PHF2: variants seen among roughly 807,000 people sequenced by gnomAD.
PHF2 encodes the protein PHD finger protein 2.
Under a neutral mutation model 120.5 loss-of-function variants are expected in PHF2, and 27 were observed. The observed-to-expected ratio is 0.22, with a 90% CI of 0.17 to 0.31. The LOEUF is 0.31. Among genes scored for constraint, PHF2 ranks in the 10% least tolerant of loss-of-function variants. The pLI is 1.00. For missense variants in PHF2, 1,024 were observed against 1,434.8 expected (o/e 0.71, Z 4.63); for synonymous variants, 568 against 592.5 (o/e 0.96, Z 0.60).
intron 1 of PHF2, among the ~76,000 whole-genome samples, chr9:93,627,541 G>T (rs529069600): frequency 4.3e-5 from 5 of 116,052 alleles, no homozygotes; most frequent in African/African-American, 1.6e-4. Flanking sequence ...TTCCAGTACT[G>T]TGTTAAACAG....
chr9:93,576,970 G>C (rs1862830737), intron 1 of PHF2, 99 bp downstream of exon 1: 5 of 386,620 alleles, frequency 1.3e-5, no homozygotes, highest in Non-Finnish European at 1.8e-5. Flanking sequence ...GGCCCGGCTC[G>C]GGGACGGGCC....
At chr9:93,578,393 G>T (rs758113956) in intron 1 of PHF2, among the ~76,000 whole-genome samples, 2 of 152,226 alleles carry the variant, frequency 1.3e-5, no homozygotes, top group East Asian at 3.9e-4. Context: ...GTTCATGGCC[G>T]GGCCAAAGTG....
At chr9:93,631,058 G>A (rs190318788) in intron 2 of PHF2, among the ~76,000 whole-genome samples, 2 of 152,262 alleles carry the variant, frequency 1.3e-5, no homozygotes, top group Admixed American at 6.5e-5. Flanking sequence ...CCAGACCCCC[G>A]GACCCCTGTG....
intron 3 of PHF2, among the ~76,000 whole-genome samples, chr9:93,639,348 G>A (rs1587699093): frequency 6.6e-6 from 1 of 151,960 alleles, no homozygotes; most frequent in Admixed American, 6.6e-5. Flanking sequence ...CAATAGAATC[G>A]TTTTCTTAAT....
At chr9:93,606,774 A>G (rs903294439) in intron 1 of PHF2, among the ~76,000 whole-genome samples, 14 of 152,214 alleles carry the variant, frequency 9.2e-5, no homozygotes, top group African/African-American at 3.1e-4. Flanking sequence ...TTTATTACCA[A>G]ACTGAAGGCC....
At chr9:93,609,883 G>T (rs1825605630) in intron 1 of PHF2, among the ~76,000 whole-genome samples, 1 of 152,074 alleles carries the variant, frequency 6.6e-6, no homozygotes, top group Non-Finnish European at 1.5e-5. Flanking sequence ...TTTTAGTAGA[G>T]ATGGGGTTTC....
intron 1 of PHF2, 94 bp from the exon 2 acceptor site, chr9:93,629,876 C>T (rs1355367363): frequency 3.0e-5 from 37 of 1,230,758 alleles, no homozygotes; most frequent in Non-Finnish European, 4.0e-5. Flanking sequence ...GGTTCCCAGA[C>T]AATGAGCAGG....
intron 1 of PHF2, among the ~76,000 whole-genome samples, chr9:93,627,517 G>C (rs981333475): frequency 6.3e-5 from 2 of 31,572 alleles, no homozygotes; most frequent in Non-Finnish European, 1.1e-4. Context: ...TTGTCTAATT[G>C]CTCTGGCTAG....
intron 1 of PHF2, among the ~76,000 whole-genome samples, chr9:93,627,061 G>A (rs1209014353): frequency 6.6e-6 from 1 of 152,068 alleles, no homozygotes; most frequent in Non-Finnish European, 1.5e-5. Context: ...ATTTTGATAG[G>A]GATTGCATTG....
intron 1 of PHF2, among the ~76,000 whole-genome samples, chr9:93,623,603 A>G (rs1825858916): frequency 6.6e-6 from 1 of 152,196 alleles, no homozygotes. Context: ...CATAATTTTC[A>G]TTCATCAATG....
chr9:93,661,301 C>T lies in PHF2; in HGVS notation c.1698+741C>T, dbSNP rs537537082. On this transcript the variant is annotated intron_variant, in intron 12 of 21. Coordinates refer to ENST00000359246, the MANE Select transcript of PHF2 (RefSeq NM_005392.4). ...CCTGGGGGCCAGGAAACTTCAGGGC[C>T]GGCATCACAGGGGTGTAGTGGGACG... Among the ~76,000 whole-genome samples, 4 of 152,220 alleles carry T rather than the reference C, an allele frequency of 2.6e-5. No individual in the cohort carries two copies. In the East Asian group the frequency reaches 5.8e-4, roughly 22 times the overall value.
At chr9:93,617,607 T>C (rs1198683583) in intron 1 of PHF2, among the ~76,000 whole-genome samples, 1 of 152,242 alleles carries the variant, frequency 6.6e-6, no homozygotes, top group African/African-American at 2.4e-5. Flanking sequence ...CTGTGGTGTC[T>C]TTATTAGTTA....
intron 17 of PHF2, chr9:93,672,392 ACAGGTG>A (rs201804625): frequency 0.013 from 5,536 of 411,252 alleles, 66 homozygotes; most frequent in Non-Finnish European, 0.015. Flanking sequence ...GGGAGTAGGC[ACAGGTG>A]CAGGTGCAGG....
intron 15 of PHF2, 27 bp downstream of exon 15, chr9:93,665,891 G>A (rs1416977433): frequency 6.2e-7 from 1 of 1,612,768 alleles, no homozygotes; most frequent in South Asian, 1.1e-5. Flanking sequence ...TGTTGGGGGA[G>A]GGGTGTGGGA....
intron 5 of PHF2, 24 bp downstream of exon 5, chr9:93,649,236 G>C (rs1383935253): frequency 4.5e-6 from 7 of 1,539,850 alleles, no homozygotes; most frequent in Non-Finnish European, 6.1e-6. Context: ...CCCTGGGGGT[G>C]TGGGGGCTGG....
At chr9:93,645,896 C>A in intron 4 of PHF2, 107 bp downstream of exon 4, 1 of 1,283,236 alleles carries the variant, frequency 7.8e-7, no homozygotes, top group East Asian at 2.6e-5. Flanking sequence ...CCATGTGTGC[C>A]GTGAGCAGTG....
intron 17 of PHF2, among the ~76,000 whole-genome samples, chr9:93,671,761 TGTG>T (rs1231743264): frequency 7.1e-6 from 1 of 141,064 alleles, no homozygotes; most frequent in Non-Finnish European, 1.6e-5. Context: ...TAGATGCAGA[TGTG>T]GGTGTGGATG....
intron 1 of PHF2, among the ~76,000 whole-genome samples, chr9:93,627,961 G>C (rs1825941740): frequency 6.6e-6 from 1 of 152,196 alleles, no homozygotes; most frequent in Non-Finnish European, 1.5e-5. Context: ...GGAAAGAGAA[G>C]CACAGCTTCT....
At chr9:93,653,799 G>T (rs1826410347) in intron 6 of PHF2, among the ~76,000 whole-genome samples, 1 of 152,202 alleles carries the variant, frequency 6.6e-6, no homozygotes, top group African/African-American at 2.4e-5. Flanking sequence ...GAAGAAAAAT[G>T]AGACGTAAAT....
Sources: allele counts gnomAD v4.1 joint callset (sites outside exome capture counted in the v4.1 genomes callset), GRCh38; gene constraint gnomAD v4.1.1; transcripts MANE v1.5; gene names NCBI Gene and HGNC (gene_info 2026-07-23, HGNC 2026-07-21).